The following CRACDL variants were observed in gnomAD, a reference collection of about 807,000 sequenced individuals.
CRACDL encodes the protein CRACD like, also known as CRACD-like protein.
A neutral mutation model predicts 70.6 loss-of-function variants in CRACDL; 26 were observed. The observed-to-expected ratio is 0.37, with a 90% CI of 0.27 to 0.51. The LOEUF is 0.51. Ranked by LOEUF, CRACDL falls within the 20% of genes least tolerant of loss-of-function variation. CRACDL has a pLI of 0.94. For synonymous variants in CRACDL, 618 were observed against 615.2 expected (o/e 1.00, Z -0.07); for missense variants, 1,283 against 1,376.9 (o/e 0.93, Z 1.08).
intron 1 of CRACDL, among the ~76,000 whole-genome samples, chr2:98,906,719 T>C (rs537689125): frequency 3.9e-4 from 60 of 152,378 alleles, no homozygotes; most frequent in African/African-American, 1.4e-3. Flanking sequence ...CTCTTTGTTA[T>C]TAGTCTCATT....
intron 7 of CRACDL, among the ~76,000 whole-genome samples, chr2:98,818,598 C>T (rs946302561): frequency 6.6e-5 from 10 of 152,184 alleles, no homozygotes; most frequent in Admixed American, 1.3e-4. Context: ...TTTCTGGAAA[C>T]AGAGTGATAT....
At chr2:98,902,985 T>C (rs1414355634) in intron 1 of CRACDL, among the ~76,000 whole-genome samples, 1 of 152,028 alleles carries the variant, frequency 6.6e-6, no homozygotes, top group Admixed American at 6.5e-5. Flanking sequence ...GAAAACACCC[T>C]TCCCCTTGGG....
At chr2:98,820,692 C>T (rs113508561) in intron 7 of CRACDL, among the ~76,000 whole-genome samples, 3,365 of 152,324 alleles carry the variant, frequency 0.022, 133 homozygotes, top group African/African-American at 0.077. Context: ...TTTGTCTCTG[C>T]TCATTTCAAA....
chr2:98,817,195 G>T (rs1171017255), intron 7 of CRACDL, among the ~76,000 whole-genome samples: 2 of 152,156 alleles, frequency 1.3e-5, no homozygotes, highest in Non-Finnish European at 1.5e-5. Context: ...ATGAGGAGCT[G>T]GGCGGGGGAG....
intron 7 of CRACDL, among the ~76,000 whole-genome samples, chr2:98,803,931 G>A (rs1187895695): frequency 6.6e-6 from 1 of 152,142 alleles, no homozygotes; most frequent in Admixed American, 6.5e-5. Context: ...TGGGCCCCAG[G>A]CCCTGGGGAC....
chr2:98,887,851 C>T (rs920792572), intron 1 of CRACDL, among the ~76,000 whole-genome samples: 1 of 152,166 alleles, frequency 6.6e-6, no homozygotes, highest in East Asian at 1.9e-4. Flanking sequence ...ATGAACTATC[C>T]AGGCTGAAGG....
intron 7 of CRACDL, among the ~76,000 whole-genome samples, chr2:98,814,116 C>T (rs1704684603): frequency 1.3e-5 from 2 of 151,938 alleles, no homozygotes; most frequent in African/African-American, 2.4e-5. Context: ...TTTGAAGAAC[C>T]ATCTTTTGGT....
intron 1 of CRACDL, among the ~76,000 whole-genome samples, chr2:98,914,305 G>T (rs1007029959): frequency 3.3e-5 from 5 of 152,168 alleles, no homozygotes; most frequent in Admixed American, 3.3e-4. Flanking sequence ...CCACAGCAAG[G>T]AGCACCACCT....
At chr2:98,884,133 C>T (rs552645394) in intron 1 of CRACDL, among the ~76,000 whole-genome samples, 9 of 152,306 alleles carry the variant, frequency 5.9e-5, no homozygotes, top group African/African-American at 1.9e-4. Context: ...GGGGGCGGCA[C>T]GGCAGAGCCT....
intron 7 of CRACDL, among the ~76,000 whole-genome samples, chr2:98,820,087 G>A (rs1247893398): frequency 1.3e-5 from 2 of 151,518 alleles, no homozygotes; most frequent in East Asian, 2.0e-4. Flanking sequence ...CAAAGTGCTG[G>A]GATTACAAGT....
intron 7 of CRACDL, among the ~76,000 whole-genome samples, chr2:98,807,229 C>T (rs1704342656): frequency 6.6e-6 from 1 of 152,238 alleles, no homozygotes; most frequent in South Asian, 2.1e-4. Flanking sequence ...AATTTTCATT[C>T]ACTACATCAC....
At chr2:98,899,457 G>A (rs940485973) in intron 1 of CRACDL, among the ~76,000 whole-genome samples, 2 of 152,220 alleles carry the variant, frequency 1.3e-5, no homozygotes, top group Admixed American at 6.5e-5. Context: ...GTGCCAAGTG[G>A]ACAGCCCAGA....
chr2:98,928,345 A>G (rs1708985808), intron 1 of CRACDL, among the ~76,000 whole-genome samples: 1 of 152,214 alleles, frequency 6.6e-6, no homozygotes. Context: ...CAAATGTTGT[A>G]AGAGATCCGC....
chr2:98,888,461 T>C (rs1174537296), intron 1 of CRACDL, among the ~76,000 whole-genome samples: 2 of 152,200 alleles, frequency 1.3e-5, no homozygotes, highest in African/African-American at 2.4e-5. Context: ...TAGATTGTTA[T>C]TAATTAAGAT....
intron 3 of CRACDL, among the ~76,000 whole-genome samples, chr2:98,836,359 C>T (rs187986296): frequency 5.3e-5 from 8 of 152,292 alleles, no homozygotes; most frequent in Non-Finnish European, 8.8e-5. Flanking sequence ...CTGTGCTGCT[C>T]TCTAAAAATG....
At position 98,846,802 on chromosome 2, in the gene CRACDL, T is replaced by A. The variant is rs1706274817; in HGVS notation, c.-2A>T. 6.2e-7 allele frequency: 1 copy of A among 1,613,720 alleles called. No homozygotes were observed. The highest frequency in any genetic ancestry group is 1.3e-5 in the African/African-American group (1 of 74,916). ...GTCCATCACCCTTGTGGAAATCATGTCAAGCTCGCTGAAATTATATGGAAA... is the reference window on the plus strand; with the variant it reads ...GTCCATCACCCTTGTGGAAATCATGACAAGCTCGCTGAAATTATATGGAAA... On this transcript the variant is annotated 5_prime_UTR_variant, in exon 2 of 10. Transcript: ENST00000397899.
At chr2:98,873,194 C>G (rs1396807766) in intron 1 of CRACDL, among the ~76,000 whole-genome samples, 1 of 152,212 alleles carries the variant, frequency 6.6e-6, no homozygotes, top group Non-Finnish European at 1.5e-5. Context: ...CAGGACCTAC[C>G]TTCTCCACTG....
intron 1 of CRACDL, among the ~76,000 whole-genome samples, chr2:98,905,832 G>T (rs1708397589): frequency 6.6e-6 from 1 of 152,122 alleles, no homozygotes; most frequent in South Asian, 2.1e-4. Flanking sequence ...GGCCAGGCTG[G>T]TCTCGAACTC....
intron 3 of CRACDL, among the ~76,000 whole-genome samples, chr2:98,835,353 G>A (rs1705727175): frequency 6.6e-6 from 1 of 152,224 alleles, no homozygotes; most frequent in Admixed American, 6.5e-5. Context: ...CAAGGAGGGA[G>A]CCAGGGTCCT....
Sources: allele counts gnomAD v4.1 joint callset (sites outside exome capture counted in the v4.1 genomes callset), GRCh38; gene constraint gnomAD v4.1.1; transcripts MANE v1.5; gene names NCBI Gene and HGNC (gene_info 2026-07-23, HGNC 2026-07-21).